Variants in NEDD4L observed in about 807,000 individuals in gnomAD.
The protein encoded by NEDD4L is NEDD4 like E3 ubiquitin protein ligase.
NEDD4L carries 54 observed loss-of-function variants against 148.9 expected under a neutral mutation model. That is an observed-to-expected ratio of 0.36 (90% CI 0.29 to 0.45). The LOEUF (loss-of-function observed/expected upper bound fraction) is 0.45. Ranked by LOEUF, NEDD4L falls within the 20% of genes least tolerant of loss-of-function variation. The pLI is 1.00. For missense variants in NEDD4L, 856 were observed against 1,233.8 expected, an observed-to-expected ratio of 0.69 and a Z score of 4.59; for synonymous variants, 433 against 440.7, an observed-to-expected ratio of 0.98 and a Z score of 0.22.
Position 58,329,513 on chromosome 18 carries a change from C to T in NEDD4L, c.813+386C>T, listed in dbSNP as rs117094504. ...CTGGGATTACAGGCACGCATCACCA[C>T]ACCCGGCCAGTTTTTGTATTTTTAG... is the stretch of plus-strand genomic sequence containing the variant. On this transcript the variant is annotated intron_variant, in intron 10 of 30. Coordinates refer to ENST00000400345, the MANE Select transcript of NEDD4L (RefSeq NM_001144967.3). Among the ~76,000 whole-genome samples the T allele has an allele frequency of 4.2e-3, 642 of 152,188 alleles. 1 individual carries two copies. Among genetic ancestry groups the T allele is most frequent in the Middle Eastern group, 0.017 (5 of 294 alleles).
intron 1 of NEDD4L, among the ~76,000 whole-genome samples, chr18:58,112,090 G>A (rs891239036): frequency 1.3e-5 from 2 of 152,176 alleles, no homozygotes; most frequent in African/African-American, 4.8e-5. Context: ...ATTAACTTGT[G>A]TAGATTTATC....
intron 1 of NEDD4L, among the ~76,000 whole-genome samples, chr18:58,062,588 A>G (rs1422168388): frequency 6.6e-6 from 1 of 152,218 alleles, no homozygotes. Context: ...GCCAGCCTAG[A>G]TGGGACCACA....
At chr18:58,134,198 A>G (rs193120692) in intron 1 of NEDD4L, among the ~76,000 whole-genome samples, 185 of 150,260 alleles carry the variant, frequency 1.2e-3, no homozygotes, top group African/African-American at 4.0e-3. Context: ...ACGGGGTTTC[A>G]CCATGTTGGC....
chr18:58,152,134 A>G (rs956128992), intron 1 of NEDD4L, among the ~76,000 whole-genome samples: 1 of 152,136 alleles, frequency 6.6e-6, no homozygotes, highest in African/African-American at 2.4e-5. Context: ...GTCATTATAG[A>G]CAATTGTACT....
At position 58,341,160 on chromosome 18, in the gene NEDD4L, T is replaced by C. The variant is rs368295984; in HGVS notation, c.1248T>C (p.Pro416=). 3.3e-5 allele frequency: 54 copies of C among 1,612,614 alleles called. No homozygotes were observed. The highest frequency in any genetic ancestry group is 4.5e-5 in the Non-Finnish European group (53 of 1,179,524). Residue 416 remains proline, a synonymous_variant, in exon 14 of 31, where the codon CCT becomes CCC. Transcript: ENST00000400345. ...ATCGAACCACAACTTGGACTCGACCTATCATGCAGGTACGAAGATTGCCAT... is the reference window on the plus strand; with the variant it reads ...ATCGAACCACAACTTGGACTCGACCCATCATGCAGGTACGAAGATTGCCAT... ...HNNRTTTWTR[P]IMQLAEDGAS...
At chr18:58,385,306 A>C (rs1037720942) in intron 25 of NEDD4L, among the ~76,000 whole-genome samples, 30 of 152,190 alleles carry the variant, frequency 2.0e-4, no homozygotes, top group Non-Finnish European at 3.4e-4. Flanking sequence ...GGGGAAGTTA[A>C]TTACTCTTTT....
chr18:58,266,724 A>C (rs192493097), intron 5 of NEDD4L, among the ~76,000 whole-genome samples: 7 of 152,260 alleles, frequency 4.6e-5, no homozygotes, highest in Admixed American at 3.9e-4. Flanking sequence ...TAATATACGC[A>C]GATTGCTGGT....
At chr18:58,123,707 C>T (rs1437087864) in intron 1 of NEDD4L, among the ~76,000 whole-genome samples, 1 of 152,158 alleles carries the variant, frequency 6.6e-6, no homozygotes, top group Non-Finnish European at 1.5e-5. Context: ...CTCATCAGTT[C>T]TCCACACCTC....
At chr18:58,135,229 G>A (rs900620162) in intron 1 of NEDD4L, among the ~76,000 whole-genome samples, 1 of 152,228 alleles carries the variant, frequency 6.6e-6, no homozygotes, top group African/African-American at 2.4e-5. Context: ...TGAATGAAAT[G>A]AATGAGGGAA....
At chr18:58,106,859 C>G (rs1020512962) in intron 1 of NEDD4L, among the ~76,000 whole-genome samples, 1 of 151,816 alleles carries the variant, frequency 6.6e-6, no homozygotes, top group Non-Finnish European at 1.5e-5. Flanking sequence ...AACCTGTCCC[C>G]TGAAATCTTC....
chr18:58,143,285 C>T (rs892484006), intron 1 of NEDD4L, among the ~76,000 whole-genome samples: 1 of 152,184 alleles, frequency 6.6e-6, no homozygotes, highest in Non-Finnish European at 1.5e-5. Flanking sequence ...AGTAACCCTG[C>T]ACCCTCGATC....
intron 1 of NEDD4L, among the ~76,000 whole-genome samples, chr18:58,102,453 T>A (rs1484683846): frequency 6.6e-6 from 1 of 152,222 alleles, no homozygotes; most frequent in Admixed American, 6.5e-5. Context: ...GCAATAAGTA[T>A]GATAACACTT....
chr18:58,202,137 G>C (rs2041482049), intron 2 of NEDD4L, among the ~76,000 whole-genome samples: 1 of 152,152 alleles, frequency 6.6e-6, no homozygotes, highest in South Asian at 2.1e-4. Flanking sequence ...CCTGATTTAA[G>C]AGGTGCAGCT....
intron 1 of NEDD4L, among the ~76,000 whole-genome samples, chr18:58,071,342 A>G (rs554478417): frequency 7.9e-5 from 12 of 152,192 alleles, no homozygotes; most frequent in Non-Finnish European, 1.8e-4. Flanking sequence ...GTGACCAAAC[A>G]GAGAATGGGA....
intron 28 of NEDD4L, chr18:58,390,346 A>C: frequency 3.8e-6 from 1 of 261,474 alleles, no homozygotes; most frequent in South Asian, 9.8e-5. Context: ...GCTTAGGGGG[A>C]ACTGGTAAGC....
chr18:58,088,663 G>A (rs563329735), intron 1 of NEDD4L, among the ~76,000 whole-genome samples: 42 of 152,058 alleles, frequency 2.8e-4, no homozygotes, highest in Non-Finnish European at 4.9e-4. Context: ...CTGGGGACAT[G>A]GTTTTATTAC....
intron 3 of NEDD4L, among the ~76,000 whole-genome samples, chr18:58,247,806 C>T (rs2148450350): frequency 6.6e-6 from 1 of 152,350 alleles, no homozygotes; most frequent in South Asian, 2.1e-4. Flanking sequence ...GCAGGCCAGG[C>T]CTGCTGCTCC....
chr18:58,144,535 A>G (rs189801279), intron 1 of NEDD4L, among the ~76,000 whole-genome samples: 2 of 152,260 alleles, frequency 1.3e-5, no homozygotes, highest in Admixed American at 6.5e-5. Flanking sequence ...CATCCACACT[A>G]TGTCGTAGCC....
At chr18:58,288,163 T>C (rs904450712) in intron 5 of NEDD4L, among the ~76,000 whole-genome samples, 1 of 152,204 alleles carries the variant, frequency 6.6e-6, no homozygotes, top group Non-Finnish European at 1.5e-5. Flanking sequence ...TTACTTCTTA[T>C]GTCAAGGTGT....
Sources: gnomAD v4.1 joint callset for allele counts (sites outside exome capture counted in the v4.1 genomes callset) on GRCh38, gnomAD v4.1.1 for gene constraint, MANE v1.5 for transcripts, NCBI Gene and HGNC (gene_info 2026-07-23, HGNC 2026-07-21) for gene names.